The following RNF125 variants were observed in gnomAD, a reference collection of about 807,000 sequenced individuals.
RNF125 encodes the protein ring finger protein 125, also known as E3 ubiquitin-protein ligase RNF125.
RNF125 carries 21 observed loss-of-function variants against 26.0 expected under a neutral mutation model. The observed-to-expected ratio is 0.81, with a 90% CI of 0.57 to 1.16. RNF125 has a LOEUF of 1.16. Among genes scored for constraint, RNF125 ranks in the 50% most tolerant of loss-of-function variants. RNF125 has a pLI of 0.00. For missense variants in RNF125, 270 were observed against 299.4 expected (o/e 0.90, Z 0.72); for synonymous variants, 95 against 109.2 (o/e 0.87, Z 0.81).
At chr18:32,078,082 G>A (rs2039581826), downstream of RNF125, among the ~76,000 whole-genome samples, 1 of 152,110 alleles carries the variant, frequency 6.6e-6, no homozygotes, top group Admixed American at 6.5e-5. Context: ...GAGCTACCAG[G>A]CCCAGCCTCC....
At chr18:32,081,267 AAC>A in the RNF125 span, among the ~76,000 whole-genome samples, 2 of 152,024 alleles carry the variant, frequency 1.3e-5, no homozygotes, top group Non-Finnish European at 2.9e-5. Flanking sequence ...AAAAACAACA[AAC>A]AAAAAATTTT....
chr18:32,073,548 T>G (rs1446369047), downstream of RNF125, among the ~76,000 whole-genome samples: 4 of 152,238 alleles, frequency 2.6e-5, no homozygotes, highest in African/African-American at 7.2e-5. Context: ...AACATAATAC[T>G]GAGCACTATG....
chr18:32,038,795 G>T (rs1439838398), intron 2 of RNF125, among the ~76,000 whole-genome samples: 1 of 151,860 alleles, frequency 6.6e-6, no homozygotes, highest in Admixed American at 6.6e-5. Flanking sequence ...AGACAGAGTC[G>T]CACTCTGTTG....
intron 1 of RNF125, chr18:32,031,217 G>T (rs747971070): frequency 6.6e-6 from 1 of 151,676 alleles, no homozygotes; most frequent in East Asian, 1.9e-4. Flanking sequence ...AAGAACTGAG[G>T]TTTCTTGAAA....
intron 4 of RNF125, among the ~76,000 whole-genome samples, chr18:32,054,762 CA>C (rs1568204616): frequency 6.6e-6 from 1 of 151,964 alleles, no homozygotes; most frequent in African/African-American, 2.4e-5. Context: ...ATCTTTTTCC[CA>C]AAAAGGAATT....
At chr18:32,081,152 C>T in the RNF125 span, among the ~76,000 whole-genome samples, 1 of 148,922 alleles carries the variant, frequency 6.7e-6, no homozygotes, top group Admixed American at 6.7e-5. Flanking sequence ...CAAGATCTCG[C>T]CACTGGACTC....
the RNF125 span, among the ~76,000 whole-genome samples, chr18:32,081,751 G>T: frequency 6.6e-6 from 1 of 152,128 alleles, no homozygotes; most frequent in East Asian, 1.9e-4. Context: ...AACTTTCTCT[G>T]TTCAAATTAT....
At chr18:32,032,784 G>A (rs766713214) in intron 1 of RNF125, among the ~76,000 whole-genome samples, 1 of 152,010 alleles carries the variant, frequency 6.6e-6, no homozygotes, top group Non-Finnish European at 1.5e-5. Context: ...ACTGGAACCT[G>A]GGAGGCAGAA....
chr18:32,019,318 C>T (rs552522722), intron 1 of RNF125, among the ~76,000 whole-genome samples: 1 of 152,158 alleles, frequency 6.6e-6, no homozygotes, highest in Non-Finnish European at 1.5e-5. Flanking sequence ...GCACGGGTCC[C>T]GCCCAGAGCC....
intron 1 of RNF125, among the ~76,000 whole-genome samples, chr18:32,030,076 G>T (rs1410446415): frequency 6.6e-6 from 1 of 151,860 alleles, no homozygotes; most frequent in South Asian, 2.1e-4. Flanking sequence ...AGCCAGTCTC[G>T]CTCTGTCACC....
intron 1 of RNF125, among the ~76,000 whole-genome samples, chr18:32,025,105 A>G (rs2039020843): frequency 6.6e-6 from 1 of 152,120 alleles, no homozygotes; most frequent in Admixed American, 6.6e-5. Context: ...TTGATTTACC[A>G]AAGATTACTA....
At chr18:32,065,848 C>CACTAATAA in intron 4 of RNF125, 54 bp from the exon 5 acceptor site, 1 of 1,263,396 alleles carries the variant, frequency 7.9e-7, no homozygotes, top group Admixed American at 1.8e-5. Context: ...TTAATTCTAA[C>CACTAATAA]ACTAATAACG....
At chr18:32,055,128 C>A (rs2039367483) in intron 4 of RNF125, among the ~76,000 whole-genome samples, 1 of 151,654 alleles carries the variant, frequency 6.6e-6, no homozygotes, top group African/African-American at 2.4e-5. Context: ...AAGACCCTGT[C>A]TCTACAACAA....
chr18:32,080,175 C>T, the RNF125 span, among the ~76,000 whole-genome samples: 2 of 152,036 alleles, frequency 1.3e-5, no homozygotes, highest in Admixed American at 6.6e-5. Context: ...ATTACAGGCA[C>T]GCGCCACCAC....
At chr18:32,039,658 C>T (rs552934818) in intron 2 of RNF125, among the ~76,000 whole-genome samples, 2 of 152,192 alleles carry the variant, frequency 1.3e-5, no homozygotes, top group African/African-American at 4.8e-5. Context: ...TTCTTGATCC[C>T]ACCTTGGTGT....
intron 4 of RNF125, among the ~76,000 whole-genome samples, chr18:32,056,515 C>T (rs1210710580): frequency 6.6e-6 from 1 of 150,990 alleles, no homozygotes; most frequent in Non-Finnish European, 1.5e-5. Flanking sequence ...ACTCGGGAGG[C>T]TGAGGCAGGA....
intron 3 of RNF125, among the ~76,000 whole-genome samples, chr18:32,044,013 T>C (rs538357104): frequency 6.6e-6 from 1 of 152,196 alleles, no homozygotes; most frequent in African/African-American, 2.4e-5. Context: ...TCTTTTCTTT[T>C]CTTTTCTTTT....
intron 4 of RNF125, among the ~76,000 whole-genome samples, chr18:32,064,710 A>G (rs1428794214): frequency 6.6e-6 from 1 of 152,026 alleles, no homozygotes; most frequent in Non-Finnish European, 1.5e-5. Flanking sequence ...TTTAGTAGAG[A>G]CAGGGTTTCA....
intron 2 of RNF125, among the ~76,000 whole-genome samples, chr18:32,040,407 G>A (rs1047570592): frequency 6.6e-6 from 1 of 151,680 alleles, no homozygotes; most frequent in Non-Finnish European, 1.5e-5. Flanking sequence ...AAGTAGCTGG[G>A]ACTATAGGTG....
Sources: gnomAD v4.1 joint callset for allele counts (sites outside exome capture counted in the v4.1 genomes callset) on GRCh38, gnomAD v4.1.1 for gene constraint, MANE v1.5 for transcripts, NCBI Gene and HGNC (gene_info 2026-07-23, HGNC 2026-07-21) for gene names.